TGFB1I1: variants seen among roughly 807,000 people sequenced by gnomAD.
TGFB1I1 encodes the protein transforming growth factor beta-1-induced transcript 1 protein.
TGFB1I1 carries 33 observed loss-of-function variants against 52.0 expected under a neutral mutation model. The ratio of observed to expected loss-of-function variants is 0.63; its 90% CI spans 0.48 to 0.85. The LOEUF (loss-of-function observed/expected upper bound fraction) is 0.85. Ranked by LOEUF, TGFB1I1 falls within the 40% of genes least tolerant of loss-of-function variation. The pLI is 0.00. For missense variants in TGFB1I1, 577 were observed against 614.9 expected (o/e 0.94, Z 0.65); for synonymous variants, 236 against 253.3 (o/e 0.93, Z 0.65).
rs1294823224 is a variant in TGFB1I1, at chr16:31,476,931, A to G, written c.1040A>G (p.Gln347Arg). 1.2e-6 allele frequency: 2 copies of G among 1,605,898 alleles called. No homozygotes were observed. The highest frequency in any genetic ancestry group is 2.7e-5 in the African/African-American group (2 of 74,680). ...DFLQLFAPRCQGCQGPILDNY... is the reference protein window; with the variant it reads ...DFLQLFAPRCRGCQGPILDNY... Reference sequence around the variant, plus strand: ...CTGCAGCTGTTCGCCCCGCGCTGCCAGGGCTGCCAGGGCCCCATCCTGGAT... The same window carrying G: ...CTGCAGCTGTTCGCCCCGCGCTGCCGGGGCTGCCAGGGCCCCATCCTGGAT... The change falls in exon 10 of 11, where the codon CAG (glutamine) becomes CGG (arginine). Residue 347 changes from glutamine to arginine, a missense_variant. Physicochemically the swap from Gln to Arg is conservative, Grantham distance 43. Transcript: ENST00000394863. This position sits in a 1 kb window ranked among gnomAD's most constrained non-coding sequence, Gnocchi z 7.6.
At position 31,477,866 on chromosome 16, in the gene TGFB1I1, C is replaced by T; in HGVS notation, c.*290C>T. The T allele has an allele frequency of 2.1e-6, 1 of 476,640 alleles. No individual in the cohort carries two copies. Among genetic ancestry groups the T allele is most frequent in the Non-Finnish European group, 3.7e-6 (1 of 269,972 alleles). 29.5% of individuals were successfully genotyped at this position (476,640 alleles called of 1,614,324 possible). ...TGGGGGAGGGTCCTTGCAATTCCAG[C>T]GAATCGGAGGCCAGGCCAGGACGTC... is the stretch of plus-strand genomic sequence containing the variant. On this transcript the variant is annotated 3_prime_UTR_variant, in exon 11 of 11. Coordinates refer to ENST00000394863, the MANE Select transcript of TGFB1I1 (RefSeq NM_001042454.3). This position sits in a 1 kb window ranked among gnomAD's most constrained non-coding sequence, Gnocchi z 4.7.
chr16:31,476,828 C>T lies in TGFB1I1; in HGVS notation c.971-34C>T. 1 of 1,611,130 alleles carries T rather than the reference C, an allele frequency of 6.2e-7. No individual in the cohort carries two copies. Among genetic ancestry groups the T allele is most frequent in the Non-Finnish European group, 8.5e-7 (1 of 1,179,670 alleles). ...GTGGGTCCCCCGTCCCGCCCGCACC[C>T]TTTGCTTTCAGCCCACTCGGTTCCC... On this transcript the variant is annotated intron_variant, in intron 9 of 10. Coordinates refer to ENST00000394863, the MANE Select transcript of TGFB1I1 (RefSeq NM_001042454.3). The surrounding 1 kb of genome is among the most constrained non-coding windows in gnomAD (Gnocchi z 7.6).
intron 1 of TGFB1I1, chr16:31,472,462 C>G: frequency 4.7e-6 from 2 of 426,678 alleles, no homozygotes; most frequent in Non-Finnish European, 3.4e-6. Context: ...GCGGCGCCCG[C>G]GGGCGCCCGG....
Position 31,474,985 on chromosome 16 carries a change from G to A in TGFB1I1, c.714+228G>A, listed in dbSNP as rs531894221. On this transcript the variant is annotated intron_variant, in intron 7 of 10. Coordinates refer to ENST00000394863, the MANE Select transcript of TGFB1I1 (RefSeq NM_001042454.3). The surrounding 1 kb of genome is among the most constrained non-coding windows in gnomAD (Gnocchi z 4.2). Reference sequence around the variant, plus strand: ...TTTATTGTGGTCCTACTGTGTGCCAGGCACTGTGCCAGCTCCTTTACAAAC... The same window carrying A: ...TTTATTGTGGTCCTACTGTGTGCCAAGCACTGTGCCAGCTCCTTTACAAAC... 606 of 560,002 alleles carry A rather than the reference G, an allele frequency of 1.1e-3. 13 individuals carry two copies. In the South Asian group the frequency reaches 0.012, roughly 11 times the overall value. The allele number at this position is 560,002 out of a possible 1,614,324, so 34.7% of individuals were successfully genotyped here.
At chr16:31,473,638 A>G in intron 2 of TGFB1I1, 44 bp from the exon 3 acceptor site, 1 of 1,596,770 alleles carries the variant, frequency 6.3e-7, no homozygotes, top group South Asian at 1.1e-5. Context: ...TCAGTGGGGC[A>G]GAGTGCAGGC....
Position 31,474,798 on chromosome 16 carries a change from C to T in TGFB1I1, c.714+41C>T, listed in dbSNP as rs2082414393. The stretch of plus-strand genomic sequence containing the variant: ...TGAGAAGGGAGGCAGAGACCTGTCA[C>T]AGACCCATCTTTAGTGAGAGCTGGG... On this transcript the variant is annotated intron_variant, in intron 7 of 10. Transcript: ENST00000394863. This position sits in a 1 kb window ranked among gnomAD's most constrained non-coding sequence, Gnocchi z 4.2. 4 of 1,564,508 alleles carry T rather than the reference C, an allele frequency of 2.6e-6. 1 individual carries two copies.
Position 31,477,655 on chromosome 16 carries a change from C to T in TGFB1I1, c.*79C>T, listed in dbSNP as rs1055466273. ...GGGTCCTCCAGACCCCGAGGCCTTG[C>T]TCTCAGAGCGGGAGGCCCCACCCAC... On this transcript the variant is annotated 3_prime_UTR_variant, in exon 11 of 11. Coordinates refer to ENST00000394863, the MANE Select transcript of TGFB1I1 (RefSeq NM_001042454.3). The surrounding 1 kb of genome is among the most constrained non-coding windows in gnomAD (Gnocchi z 4.7). The T allele has an allele frequency of 8.2e-6, 12 of 1,470,830 alleles. No individual in the cohort carries two copies. In the Admixed American group the frequency reaches 2.1e-4, roughly 26 times the overall value. The allele number at this position is 1,470,830 out of a possible 1,614,324, so 91.1% of individuals were successfully genotyped here.
rs372284661 is a variant in TGFB1I1, at chr16:31,476,105, G to A, written c.808G>A (p.Asp270Asn). The change falls in exon 8 of 11, where the codon GAT becomes AAT. Residue 270 changes from aspartate (D) to asparagine (N), a missense_variant. By Grantham distance (23) the Asp-to-Asn change is conservative (BLOSUM62 1). Coordinates refer to ENST00000394863, the MANE Select transcript of TGFB1I1 (RefSeq NM_001042454.3). This position sits in a 1 kb window ranked among gnomAD's most constrained non-coding sequence, Gnocchi z 7.6. ...GGGAGGCAGCAGCTTCTTCGAGAAG[G>A]ATGGAGCCCCCTTCTGCCCCGAGTG... ...ALGGSSFFEK[D>N]GAPFCPECYF... The A allele has an allele frequency of 4.3e-6, 7 of 1,613,776 alleles. No individual in the cohort carries two copies. The African/African-American group carries it at 5.3e-5, about 12-fold the overall frequency.
chr16:31,472,390 T>G, intron 1 of TGFB1I1, 189 bp downstream of exon 1: 40 of 950,572 alleles, frequency 4.2e-5, no homozygotes, highest in East Asian at 1.3e-4. Context: ...GGCCGGCCGC[T>G]CCCTCCCTTC....
chr16:31,472,231 GC>G, intron 1 of TGFB1I1, 30 bp downstream of exon 1: 2 of 1,480,176 alleles, frequency 1.4e-6, no homozygotes, highest in Non-Finnish European at 1.8e-6. Context: ...CGGGTCCGTG[GC>G]CCCTCACCGC....
At chr16:31,475,842 A>G (rs2082419686) in intron 7 of TGFB1I1, 170 bp from the exon 8 acceptor site, 1 of 705,352 alleles carries the variant, frequency 1.4e-6, no homozygotes, top group Admixed American at 2.9e-5. Flanking sequence ...CGCAGCTGGA[A>G]GACGGAACAC....
rs1403478562 is a variant in TGFB1I1 at position 31,477,852 on chromosome 16, C to T, written c.*276C>T. 4.0e-6 allele frequency: 2 copies of T among 499,208 alleles called. No homozygotes were observed. Among genetic ancestry groups the T allele is most frequent in the Non-Finnish European group, 7.0e-6 (2 of 284,662 alleles). 30.9% of individuals were successfully genotyped at this position (499,208 alleles called of 1,614,324 possible). On this transcript the variant is annotated 3_prime_UTR_variant, in exon 11 of 11. Coordinates refer to ENST00000394863, the MANE Select transcript of TGFB1I1 (RefSeq NM_001042454.3). The surrounding 1 kb of genome is among the most constrained non-coding windows in gnomAD (Gnocchi z 4.7). The stretch of plus-strand genomic sequence containing the variant: ...GGGAGCCCCCTTACTGGGGGAGGGT[C>T]CTTGCAATTCCAGCGAATCGGAGGC...
intron 1 of TGFB1I1, chr16:31,472,652 C>T (rs1397699053): frequency 6.3e-6 from 1 of 158,122 alleles, no homozygotes; most frequent in Non-Finnish European, 1.4e-5. Flanking sequence ...GTCCTTGAGG[C>T]AAGGAAGAGA....
chr16:31,477,083 G>A lies in TGFB1I1; in HGVS notation c.1119+73G>A. On this transcript the variant is annotated intron_variant, in intron 10 of 10. Coordinates refer to ENST00000394863, the MANE Select transcript of TGFB1I1 (RefSeq NM_001042454.3). The surrounding 1 kb of genome is among the most constrained non-coding windows in gnomAD (Gnocchi z 4.7). ...GGCTGTGGGGCGGGGCCTTGGAGGG[G>A]CGGGTCAAGGGTGCAGGGCAGGGGG... 6.9e-7 allele frequency: 1 copy of A among 1,449,720 alleles called. No homozygotes were observed. Among genetic ancestry groups the A allele is most frequent in the Non-Finnish European group, 9.2e-7 (1 of 1,086,428 alleles). 89.8% of individuals were successfully genotyped at this position (1,449,720 alleles called of 1,614,324 possible). A position where few individuals can be genotyped will look rare whatever the true frequency, so the allele number is the denominator to read the frequency against.
At position 31,474,412 on chromosome 16, in the gene TGFB1I1, A is replaced by G. The variant is rs2082410066; in HGVS notation, c.476A>G (p.Asp159Gly). ...GCCACCTCAGCCACTCTGGAGCTGG[A>G]TAGACTGATGGCCTCACTCTCTGAC... ...ASATSATLELDRLMASLSDFR... is the reference protein window; with the variant it reads ...ASATSATLELGRLMASLSDFR... The change falls in exon 6 of 11, where the codon GAT becomes GGT. Residue 159 changes from aspartate (D) to glycine (G), a missense_variant. Physicochemically the swap from Asp to Gly is moderately conservative, Grantham distance 94. Transcript: ENST00000394863. This position sits in a 1 kb window ranked among gnomAD's most constrained non-coding sequence, Gnocchi z 4.2. 2.5e-6 allele frequency: 4 copies of G among 1,614,158 alleles called. No individual in the cohort carries two copies. Among genetic ancestry groups the G allele is most frequent in the Non-Finnish European group, 3.4e-6 (4 of 1,180,044 alleles).
rs780052889 is a variant in TGFB1I1 at position 31,474,304 on chromosome 16, C to T, written c.414-46C>T. 1.2e-5 allele frequency: 20 copies of T among 1,613,148 alleles called. No individual in the cohort carries two copies. The highest frequency in any genetic ancestry group is 6.6e-5 in the South Asian group (6 of 91,052). On this transcript the variant is annotated intron_variant, in intron 5 of 10. Coordinates refer to ENST00000394863, the MANE Select transcript of TGFB1I1 (RefSeq NM_001042454.3). This position sits in a 1 kb window ranked among gnomAD's most constrained non-coding sequence, Gnocchi z 4.2. ...TGGATATCTGAGTCACTAGAGGGAG[C>T]GTTGCTCTGGGAGGCTCTGAGATGA...
At chr16:31,475,800 T>G (rs2082419445) in intron 7 of TGFB1I1, 1 of 530,316 alleles carries the variant, frequency 1.9e-6, no homozygotes, top group Non-Finnish European at 3.3e-6. Context: ...GCGCTGTGCC[T>G]GCTGTGCCTC....
In TGFB1I1 at chr16:31,476,290, C is replaced by A; in HGVS notation, c.888+105C>A. The A allele has an allele frequency of 4.1e-6, 6 of 1,459,128 alleles. No homozygotes were observed. The highest frequency in any genetic ancestry group is 2.0e-5 in the Admixed American group (1 of 50,450). 90.4% of individuals were successfully genotyped at this position (1,459,128 alleles called of 1,614,324 possible). ...GCCCCACCCGCGATACCCCACTCCACCCCTACCCCTTCCCCTTGGCAATGT... is the reference window on the plus strand; with the variant it reads ...GCCCCACCCGCGATACCCCACTCCAACCCTACCCCTTCCCCTTGGCAATGT... On this transcript the variant is annotated intron_variant, in intron 8 of 10. Transcript: ENST00000394863. This position sits in a 1 kb window ranked among gnomAD's most constrained non-coding sequence, Gnocchi z 7.6.
chr16:31,475,100 G>C, intron 7 of TGFB1I1: 1 of 303,042 alleles, frequency 3.3e-6, no homozygotes, highest in South Asian at 3.2e-5. Flanking sequence ...CTCCGTCAGA[G>C]TCTGGACTGG....
Sources: gnomAD v4.1 joint callset for allele counts on GRCh38, gnomAD v4.1.1 for gene constraint, Gnocchi (gnomAD v3.1) non-coding constraint, MANE v1.5 for transcripts, NCBI Gene and HGNC (gene_info 2026-07-23, HGNC 2026-07-21) for gene names.